The following SLC24A2 variants were observed in gnomAD, a reference collection of about 807,000 sequenced individuals.
SLC24A2 encodes the protein sodium/potassium/calcium exchanger 2.
Under a neutral mutation model 62.0 loss-of-function variants are expected in SLC24A2, and 36 were observed. The observed-to-expected ratio is 0.58, with a 90% CI of 0.44 to 0.77. SLC24A2 has a LOEUF of 0.77. Among genes scored for constraint, SLC24A2 ranks in the 30% least tolerant of loss-of-function variants. The pLI is 0.00. For missense variants in SLC24A2, 846 were observed against 817.9 expected, an observed-to-expected ratio of 1.03 and a Z score of -0.42; for synonymous variants, 358 against 294.0, an observed-to-expected ratio of 1.22 and a Z score of -2.23.
intron 2 of SLC24A2, among the ~76,000 whole-genome samples, chr9:19,661,080 AG>A (rs1819084797): frequency 6.6e-6 from 1 of 152,168 alleles, no homozygotes; most frequent in African/African-American, 2.4e-5. Context: ...CCTTGCATAT[AG>A]GATTTATTGC....
chr9:19,601,137 C>G (rs1048943712), intron 4 of SLC24A2, among the ~76,000 whole-genome samples: 2 of 151,776 alleles, frequency 1.3e-5, no homozygotes, highest in Non-Finnish European at 2.9e-5. Flanking sequence ...TGCTCTGTAG[C>G]CAGCAACGAG....
the SLC24A2 span, among the ~76,000 whole-genome samples, chr9:20,047,272 C>T: frequency 2.0e-5 from 3 of 152,210 alleles, no homozygotes; most frequent in South Asian, 6.2e-4. Flanking sequence ...GCTATGCAGA[C>T]TGTTTGCTCA....
At chr9:19,972,040 C>A in the SLC24A2 span, among the ~76,000 whole-genome samples, 1 of 152,132 alleles carries the variant, frequency 6.6e-6, no homozygotes, top group South Asian at 2.1e-4. Flanking sequence ...TTCTAAAGAG[C>A]TTAGGGAACC....
chr9:19,524,663 G>GT (rs1337494325), intron 9 of SLC24A2, among the ~76,000 whole-genome samples: 5 of 152,128 alleles, frequency 3.3e-5, no homozygotes, highest in African/African-American at 1.2e-4. Flanking sequence ...TTTTAAAGAA[G>GT]TATTTGTATA....
chr9:20,254,126 T>C, the SLC24A2 span, among the ~76,000 whole-genome samples: 2 of 152,186 alleles, frequency 1.3e-5, no homozygotes, highest in Non-Finnish European at 2.9e-5. Flanking sequence ...ATGGCAGAGA[T>C]ATTAGCTTGT....
chr9:20,156,801 C>T, the SLC24A2 span, among the ~76,000 whole-genome samples: 3 of 151,748 alleles, frequency 2.0e-5, no homozygotes, highest in African/African-American at 7.3e-5. Flanking sequence ...AAGTATAAAA[C>T]AGCTATTTCC....
At chr9:19,863,273 G>C in the SLC24A2 span, among the ~76,000 whole-genome samples, 8 of 152,000 alleles carry the variant, frequency 5.3e-5, no homozygotes, top group Non-Finnish European at 1.0e-4. Flanking sequence ...GAAAGAGCTA[G>C]ACCCCAATAC....
At chr9:20,153,054 C>A in the SLC24A2 span, among the ~76,000 whole-genome samples, 31 of 151,888 alleles carry the variant, frequency 2.0e-4, no homozygotes, top group Non-Finnish European at 3.1e-4. Context: ...TTAAAAGCAA[C>A]ACATGCTTAT....
At chr9:20,262,572 C>G in the SLC24A2 span, among the ~76,000 whole-genome samples, 1 of 152,348 alleles carries the variant, frequency 6.6e-6, no homozygotes, top group East Asian at 1.9e-4. Flanking sequence ...TACCTCAGTA[C>G]AGCCCAGAAA....
chr9:19,837,209 T>C, the SLC24A2 span, among the ~76,000 whole-genome samples: 62 of 151,582 alleles, frequency 4.1e-4, 1 homozygote, highest in African/African-American at 1.4e-3. Flanking sequence ...TCCCAGCACT[T>C]TGGGAGGCCG....
chr9:20,249,988 A>C, the SLC24A2 span, among the ~76,000 whole-genome samples: 1 of 152,220 alleles, frequency 6.6e-6, no homozygotes, highest in African/African-American at 2.4e-5. Flanking sequence ...GAAAATTTAC[A>C]TTTATAAATT....
At chr9:19,897,038 C>T in the SLC24A2 span, among the ~76,000 whole-genome samples, 1 of 152,250 alleles carries the variant, frequency 6.6e-6, no homozygotes, top group East Asian at 1.9e-4. Context: ...TGGACCTACA[C>T]TGATAGAACT....
At chr9:19,780,286 G>A (rs1183854890) in intron 2 of SLC24A2, among the ~76,000 whole-genome samples, 1 of 110,876 alleles carries the variant, frequency 9.0e-6, no homozygotes, top group Non-Finnish European at 2.0e-5. Context: ...TTTTTTTTTT[G>A]AGATGGAGTC....
the SLC24A2 span, among the ~76,000 whole-genome samples, chr9:20,218,840 T>G: frequency 6.6e-6 from 1 of 152,144 alleles, no homozygotes; most frequent in Non-Finnish European, 1.5e-5. Context: ...TTAGCTGGAT[T>G]CTCCACTACC....
chr9:20,024,154 G>A, the SLC24A2 span, among the ~76,000 whole-genome samples: 1 of 152,154 alleles, frequency 6.6e-6, no homozygotes, highest in African/African-American at 2.4e-5. Flanking sequence ...TCATCCTGGG[G>A]TGCTTGCTTC....
At chr9:20,208,356 G>A in the SLC24A2 span, among the ~76,000 whole-genome samples, 198 of 152,312 alleles carry the variant, frequency 1.3e-3, 1 homozygote, top group African/African-American at 4.4e-3. Context: ...GCACGGCGAA[G>A]GCTGAAGCAG....
the SLC24A2 span, among the ~76,000 whole-genome samples, chr9:20,037,018 C>G: frequency 2.0e-5 from 3 of 152,040 alleles, no homozygotes; most frequent in South Asian, 6.2e-4. Context: ...GCCTCAGCCT[C>G]CCAAGTAGCT....
At chr9:19,658,453 C>A (rs749263498) in intron 2 of SLC24A2, among the ~76,000 whole-genome samples, 2 of 152,154 alleles carry the variant, frequency 1.3e-5, no homozygotes, top group Non-Finnish European at 2.9e-5. Context: ...ATGATCAGAA[C>A]CATAATAAAA....
chr9:20,182,914 G>A, the SLC24A2 span, among the ~76,000 whole-genome samples: 14 of 152,282 alleles, frequency 9.2e-5, no homozygotes, highest in South Asian at 2.5e-3. Flanking sequence ...CTTTTTACTT[G>A]TCTGAATGTT....
Sources: gnomAD v4.1 joint callset for allele counts (sites outside exome capture counted in the v4.1 genomes callset) on GRCh38, gnomAD v4.1.1 for gene constraint, MANE v1.5 for transcripts, NCBI Gene and HGNC (gene_info 2026-07-23, HGNC 2026-07-21) for gene names.